SHROOM2: variants seen among roughly 807,000 people sequenced by gnomAD.
The protein encoded by SHROOM2 is shroom family member 2, also known as protein Shroom2.
SHROOM2 carries 33 observed loss-of-function variants against 75.9 expected under a neutral mutation model. The observed-to-expected ratio is 0.43, with a 90% CI of 0.33 to 0.58. The LOEUF is 0.58. Ranked by LOEUF, SHROOM2 falls within the 20% of genes least tolerant of loss-of-function variation. The pLI is 0.04. For synonymous variants in SHROOM2, 655 were observed against 663.6 expected (o/e 0.99, Z 0.20); for missense variants, 1,434 against 1,461.2 (o/e 0.98, Z 0.30).
At position 9,890,966 on chromosome X, in the gene SHROOM2, T is replaced by C. The variant is rs759795265; in HGVS notation, c.318-11T>C. ...TCCCTGACCCCCCGCCTCCCCTGCGTTCTTTTCTAGGAGGAGCGAGCTGGG... is the reference window on the plus strand; with the variant it reads ...TCCCTGACCCCCCGCCTCCCCTGCGCTCTTTTCTAGGAGGAGCGAGCTGGG... On this transcript the variant is annotated splice_polypyrimidine_tract_variant and intron_variant, in intron 2 of 9. Transcript: ENST00000380913. 8.4e-7 allele frequency: 1 copy of C among 1,196,765 alleles called. No homozygotes were observed. The highest frequency in any genetic ancestry group is 1.7e-5 in the African/African-American group (1 of 57,162).
chrX:9,848,872 T>C (rs2084022904), intron 1 of SHROOM2, among the ~76,000 whole-genome samples: 2 of 111,244 alleles, frequency 1.8e-5, no homozygotes, highest in East Asian at 2.8e-4. Context: ...GTGAAGAACA[T>C]TGTGTTATGA....
chrX:9,848,047 A>G (rs1417424943), intron 1 of SHROOM2, among the ~76,000 whole-genome samples: 1 of 111,711 alleles, frequency 9.0e-6, no homozygotes. Flanking sequence ...AATACTCCCC[A>G]TGTCTGAGGG....
Position 9,937,039 on chromosome X carries a change from C to T in SHROOM2, c.3588-95C>T, listed in dbSNP as rs992361399. On this transcript the variant is annotated intron_variant, in intron 6 of 9. Transcript: ENST00000380913. The stretch of plus-strand genomic sequence containing the variant: ...GGGTGGCTGGCTAGTGCCTTTGAGT[C>T]AGGTTCCCATCCAGAGGGGAGGGCA... 4 of 916,873 alleles carry T rather than the reference C, an allele frequency of 4.4e-6. No individual in the cohort carries two copies. In the African/African-American group the frequency reaches 8.1e-5, roughly 19 times the overall value. 75.6% of individuals were successfully genotyped at this position (916,873 alleles called of 1,213,427 possible).
chrX:9,930,055 G>A (rs768886743), intron 5 of SHROOM2, among the ~76,000 whole-genome samples: 12 of 111,670 alleles, frequency 1.1e-4, no homozygotes, highest in African/African-American at 3.9e-4. Context: ...CCCAGTTTCA[G>A]GTATGTCTTT....
At chrX:9,854,214 C>T (rs1033128890) in intron 1 of SHROOM2, among the ~76,000 whole-genome samples, 11 of 112,709 alleles carry the variant, frequency 9.8e-5, no homozygotes, top group African/African-American at 2.6e-4. Context: ...TTTATCAGAT[C>T]GGACGTGAGC....
intron 5 of SHROOM2, among the ~76,000 whole-genome samples, chrX:9,927,705 A>T (rs950512797): frequency 8.9e-6 from 1 of 112,640 alleles, no homozygotes; most frequent in Non-Finnish European, 1.9e-5. Context: ...AACATGATGC[A>T]TGTAATAAAT....
At chrX:9,820,118 T>A (rs2083845425) in intron 1 of SHROOM2, among the ~76,000 whole-genome samples, 2 of 12,791 alleles carry the variant, frequency 1.6e-4, no homozygotes, top group African/African-American at 5.1e-4. Context: ...CCTTTAAAAT[T>A]TTTTTTTTTT....
In SHROOM2 at chrX:9,932,842, C is replaced by T. The variant is rs2084664667; in HGVS notation, c.3559C>T (p.Leu1187=). 1.7e-6 allele frequency: 2 copies of T among 1,197,432 alleles called. No individual in the cohort carries two copies. The highest frequency in any genetic ancestry group is 4.4e-5 in the Admixed American group (2 of 45,370). Residue 1187 remains leucine, a synonymous_variant, in exon 6 of 10, where the codon CTG becomes TTG. Coordinates refer to ENST00000380913, the MANE Select transcript of SHROOM2 (RefSeq NM_001649.4). The stretch of plus-strand genomic sequence containing the variant: ...CCAGAAACTGACGGACAAACCTCCC[C>T]TGCTCATCCAGGATGAGGATTCAAC... ...APQKLTDKPP[L]LIQDEDSTRI...
rs368967278 is a variant in SHROOM2 at position 9,895,387 on chromosome X, A to T, written c.1479A>T (p.Gly493=). Reference sequence around the variant, plus strand: ...TGCAAGCAGCACAGCTCTGGGCGGGATGCTGGCCTTCTGACACAGCCCTTG... The same window carrying T: ...TGCAAGCAGCACAGCTCTGGGCGGGTTGCTGGCCTTCTGACACAGCCCTTG... ...GDLQAAQLWA[G]CWPSDTALGA... The change falls in exon 4 of 10, where the codon GGA becomes GGT. Residue 493 remains glycine (G), a synonymous_variant. Transcript: ENST00000380913. 3.3e-6 allele frequency: 4 copies of T among 1,200,990 alleles called. No individual in the cohort carries two copies. Among genetic ancestry groups the T allele is most frequent in the Non-Finnish European group, 4.5e-6 (4 of 890,971 alleles).
chrX:9,868,469 C>T (rs1002520627), intron 1 of SHROOM2, among the ~76,000 whole-genome samples: 13 of 109,461 alleles, frequency 1.2e-4, no homozygotes, highest in African/African-American at 4.0e-4. Context: ...TGGTCTCGAA[C>T]TCCTGACCTC....
At chrX:9,830,156 GCTGTGAGAAATACGTTT>G (rs1433277223) in intron 1 of SHROOM2, among the ~76,000 whole-genome samples, 1 of 111,164 alleles carries the variant, frequency 9.0e-6, no homozygotes, top group Non-Finnish European at 1.9e-5. Context: ...CCAGCTCCAG[GCTGTGAGAAATACGTTT>G]CTTTCTTTTT....
intron 1 of SHROOM2, among the ~76,000 whole-genome samples, chrX:9,797,787 T>G (rs995538576): frequency 4.5e-5 from 5 of 111,310 alleles, no homozygotes; most frequent in Non-Finnish European, 7.6e-5. Flanking sequence ...TAGTCCTAGG[T>G]GGGGCTGGCC....
rs867247028 is a variant in SHROOM2, at chrX:9,826,798, A to G, written c.165+40088A>G. Among the ~76,000 whole-genome samples the G allele has an allele frequency of 4.5e-5, 5 of 112,357 alleles. No individual in the cohort carries two copies. The Middle Eastern group carries it at 0.018, about 412-fold the overall frequency. Reference sequence around the variant, plus strand: ...CTCCATAAAAAAGAAAAAGAAAAACAAGAAGAAAAGAAAAGATTACTATGT... The same window carrying G: ...CTCCATAAAAAAGAAAAAGAAAAACGAGAAGAAAAGAAAAGATTACTATGT... On this transcript the variant is annotated intron_variant, in intron 1 of 9. Transcript: ENST00000380913.
intron 5 of SHROOM2, among the ~76,000 whole-genome samples, chrX:9,922,255 T>G (rs182837057): frequency 2.0e-4 from 22 of 111,103 alleles, no homozygotes; most frequent in African/African-American, 6.9e-4. Context: ...TACCAGATCT[T>G]GCTATGTTGC....
At chrX:9,943,494 C>A (rs924288149) in intron 8 of SHROOM2, among the ~76,000 whole-genome samples, 3 of 111,386 alleles carry the variant, frequency 2.7e-5, no homozygotes, top group Non-Finnish European at 5.6e-5. Flanking sequence ...CATAGCAAGA[C>A]CGCTTCTCTA....
intron 5 of SHROOM2, among the ~76,000 whole-genome samples, chrX:9,913,780 G>A (rs773572349): frequency 3.6e-5 from 4 of 112,056 alleles, no homozygotes; most frequent in East Asian, 2.8e-4. Flanking sequence ...CTACTGCCTC[G>A]TAGATGGTCT....
intron 2 of SHROOM2, among the ~76,000 whole-genome samples, chrX:9,882,583 T>C (rs2084238042): frequency 8.9e-6 from 1 of 111,752 alleles, no homozygotes; most frequent in South Asian, 3.7e-4. Flanking sequence ...TCGGGTCTGC[T>C]CCACTCCTCT....
intron 1 of SHROOM2, among the ~76,000 whole-genome samples, chrX:9,853,283 A>G (rs1220845504): frequency 8.9e-6 from 1 of 111,830 alleles, no homozygotes; most frequent in African/African-American, 3.3e-5. Context: ...CTCCTTCTGG[A>G]ACATTCAGTG....
At chrX:9,904,856 A>G (rs1312457933) in intron 5 of SHROOM2, among the ~76,000 whole-genome samples, 1 of 111,573 alleles carries the variant, frequency 9.0e-6, no homozygotes, top group African/African-American at 3.3e-5. Context: ...AGAAGGCTGT[A>G]CAGATTGATA....
Sources: gnomAD v4.1 joint callset for allele counts (sites outside exome capture counted in the v4.1 genomes callset) on GRCh38, gnomAD v4.1.1 for gene constraint, MANE v1.5 for transcripts, NCBI Gene and HGNC (gene_info 2026-07-23, HGNC 2026-07-21) for gene names.